The following TMEM238L variants were observed in gnomAD, a reference collection of about 807,000 sequenced individuals.
TMEM238L encodes the protein transmembrane protein 238-like.
intron 1 of TMEM238L, among the ~76,000 whole-genome samples, chr17:10,799,669 C>T (rs1904672346): frequency 6.6e-6 from 1 of 152,214 alleles, no homozygotes; most frequent in African/African-American, 2.4e-5. Flanking sequence ...GACATATAGG[C>T]CAAAGGTCGT....
chr17:10,796,378 CCT>C (rs1276616485), intron 1 of TMEM238L, among the ~76,000 whole-genome samples: 1 of 152,190 alleles, frequency 6.6e-6, no homozygotes, highest in Non-Finnish European at 1.5e-5. Context: ...ATCCTCTTTT[CCT>C]CTCTGCTGAC....
Position 10,796,459 on chromosome 17 carries a change from C to T in TMEM238L, c.*119-511G>A, listed in dbSNP as rs985513037. 6.6e-5 allele frequency among the ~76,000 whole-genome samples: 10 copies of T among 152,342 alleles called. No individual in the cohort carries two copies. The East Asian group carries it at 7.7e-4, about 12-fold the overall frequency. ...TTCTCTAAGAATTCCCACCTTAGCA[C>T]GGTTATGCCAGCAGGTGACTGCCCT... is the stretch of plus-strand genomic sequence containing the variant. On this transcript the variant is annotated intron_variant, in intron 1 of 1. Transcript: ENST00000581851.
chr17:10,794,972 A>G (rs1256169539), exon 2 of TMEM238L: 1 of 152,240 alleles, frequency 6.6e-6, no homozygotes, highest in Non-Finnish European at 1.5e-5. Flanking sequence ...CATACCATGA[A>G]AGATCGGAGG....
At chr17:10,801,866 G>C (rs1904758064) in intron 1 of TMEM238L, among the ~76,000 whole-genome samples, 1 of 151,864 alleles carries the variant, frequency 6.6e-6, no homozygotes, top group African/African-American at 2.4e-5. Context: ...ACTGCAGCCT[G>C]TGCCTCCTGG....
At chr17:10,800,720 G>A (rs1158660596) in intron 1 of TMEM238L, among the ~76,000 whole-genome samples, 1 of 152,158 alleles carries the variant, frequency 6.6e-6, no homozygotes, top group East Asian at 1.9e-4. Context: ...TGGAGTAATG[G>A]GGCACGGAGA....
intron 1 of TMEM238L, among the ~76,000 whole-genome samples, chr17:10,799,687 A>G (rs1258369548): frequency 6.6e-6 from 1 of 152,262 alleles, no homozygotes; most frequent in East Asian, 1.9e-4. Flanking sequence ...CGTAGGCTGT[A>G]GGGGAAGTGA....
chr17:10,794,977 C>T (rs1372240442), exon 2 of TMEM238L: 1 of 152,154 alleles, frequency 6.6e-6, no homozygotes, highest in Admixed American at 6.5e-5. Context: ...CATGAAAGAT[C>T]GGAGGCAGCT....
chr17:10,795,146 G>A (rs1197682626), exon 2 of TMEM238L: 2 of 152,240 alleles, frequency 1.3e-5, no homozygotes, highest in African/African-American at 4.8e-5. Flanking sequence ...CAGAGTTGCT[G>A]TCCTTGGGCT....
intron 1 of TMEM238L, among the ~76,000 whole-genome samples, chr17:10,801,840 G>A (rs1373600449): frequency 6.6e-6 from 1 of 151,880 alleles, no homozygotes; most frequent in African/African-American, 2.4e-5. Context: ...GGAATGCAGT[G>A]GTGCAATCTC....
intron 1 of TMEM238L, among the ~76,000 whole-genome samples, chr17:10,800,878 C>G (rs528027320): frequency 2.8e-4 from 43 of 152,308 alleles, no homozygotes; most frequent in Non-Finnish European, 4.9e-4. Context: ...GAGCCTCACA[C>G]TGGGGACTCT....
exon 2 of TMEM238L, chr17:10,795,430 T>C (rs1229032044): frequency 1.3e-5 from 2 of 152,296 alleles, no homozygotes; most frequent in East Asian, 3.9e-4. Context: ...ATCAACACAT[T>C]GGAATATGTC....
At chr17:10,798,898 C>A (rs1428306401) in intron 1 of TMEM238L, among the ~76,000 whole-genome samples, 1 of 151,880 alleles carries the variant, frequency 6.6e-6, no homozygotes, top group Non-Finnish European at 1.5e-5. Flanking sequence ...CAGGAAATAA[C>A]CAAGAAGTGG....
intron 1 of TMEM238L, among the ~76,000 whole-genome samples, chr17:10,800,482 C>T (rs1161601134): frequency 6.6e-6 from 1 of 152,204 alleles, no homozygotes; most frequent in African/African-American, 2.4e-5. Context: ...TCTGGAGCAG[C>T]ATTCAGTCTC....
chr17:10,795,417 G>T (rs11653544), exon 2 of TMEM238L: 64,666 of 152,220 alleles, frequency 0.42, 16,426 homozygotes, highest in Non-Finnish European at 0.55. Context: ...GTTCACATTT[G>T]CAATCAACAC....
At chr17:10,801,308 G>C (rs1185882718) in intron 1 of TMEM238L, among the ~76,000 whole-genome samples, 2 of 152,138 alleles carry the variant, frequency 1.3e-5, no homozygotes, top group Non-Finnish European at 2.9e-5. Context: ...AAAGTGCTGG[G>C]ATTACAGGTG....
chr17:10,797,022 A>G (rs1458613338), intron 1 of TMEM238L, among the ~76,000 whole-genome samples: 3 of 152,154 alleles, frequency 2.0e-5, no homozygotes, highest in Non-Finnish European at 4.4e-5. Flanking sequence ...TGTTCCAATA[A>G]AACACTATCT....
At chr17:10,796,526 G>T (rs946522093) in intron 1 of TMEM238L, among the ~76,000 whole-genome samples, 1 of 152,162 alleles carries the variant, frequency 6.6e-6, no homozygotes, top group African/African-American at 2.4e-5. Flanking sequence ...AGATGAATCT[G>T]CACTCACTCC....
intron 1 of TMEM238L, among the ~76,000 whole-genome samples, chr17:10,800,167 C>T (rs1014902962): frequency 2.6e-5 from 4 of 152,074 alleles, no homozygotes; most frequent in Admixed American, 2.6e-4. Context: ...CTCCTGACCT[C>T]GTGATCCGCC....
chr17:10,802,237 C>T (rs1220470433), intron 1 of TMEM238L, among the ~76,000 whole-genome samples: 2 of 152,150 alleles, frequency 1.3e-5, no homozygotes, highest in Non-Finnish European at 2.9e-5. Context: ...CACCAAGGTA[C>T]TTCACATTTG....
Sources: gnomAD v4.1 joint callset for allele counts (sites outside exome capture counted in the v4.1 genomes callset) on GRCh38, gnomAD v4.1.1 for gene constraint, MANE v1.5 for transcripts, NCBI Gene and HGNC (gene_info 2026-07-23, HGNC 2026-07-21) for gene names.